The following LYN variants were observed in gnomAD, a reference collection of about 807,000 sequenced individuals.
LYN encodes the protein LYN proto-oncogene, Src family tyrosine kinase, also known as tyrosine-protein kinase Lyn.
In LYN, 12 loss-of-function variants were observed where a neutral mutation model predicts 65.0. That is an observed-to-expected ratio of 0.18 (90% CI 0.12 to 0.30). LYN has a LOEUF of 0.30. LYN is among the 10% of genes least tolerant of loss of function. The pLI, the probability that LYN is intolerant of heterozygous loss-of-function variation, is 1.00. For missense variants in LYN, 380 were observed against 623.2 expected, an observed-to-expected ratio of 0.61 and a Z score of 4.16; for synonymous variants, 222 against 221.2, an observed-to-expected ratio of 1.00 and a Z score of -0.03.
chr8:55,945,469 C>G (rs557531629), intron 2 of LYN, among the ~76,000 whole-genome samples: 1 of 152,206 alleles, frequency 6.6e-6, no homozygotes, highest in Non-Finnish European at 1.5e-5. Context: ...TTTTCCCTGT[C>G]TCACTGAAAT....
chr8:55,997,839 C>T (rs1208599948), intron 10 of LYN, among the ~76,000 whole-genome samples: 1 of 152,230 alleles, frequency 6.6e-6, no homozygotes, highest in Admixed American at 6.5e-5. Context: ...AATCCCAGCA[C>T]TTTGGGAGGC....
chr8:55,923,792 G>A lies in LYN; in HGVS notation c.-5-18063G>A, dbSNP rs367600126. 1.3e-3 allele frequency among the ~76,000 whole-genome samples: 201 copies of A among 151,940 alleles called. 1 individual carries two copies. Among genetic ancestry groups the A allele is most frequent in the African/African-American group, 4.6e-3 (190 of 41,448 alleles). ...TGACCTCAAGTGATTTGCCTACCTC[G>A]GCCTCCCAATTGTTGGGATTAGAGG... On this transcript the variant is annotated intron_variant, in intron 1 of 12. Transcript: ENST00000519728.
At chr8:55,930,214 TGC>T (rs1487551023) in intron 1 of LYN, among the ~76,000 whole-genome samples, 1 of 152,252 alleles carries the variant, frequency 6.6e-6, no homozygotes. Context: ...CCTGATGATT[TGC>T]CATCTATAGC....
intron 7 of LYN, 64 bp downstream of exon 7, chr8:55,952,179 A>G: frequency 7.4e-7 from 1 of 1,349,358 alleles, no homozygotes; most frequent in Non-Finnish European, 1.0e-6. Context: ...TAAGACGTCA[A>G]ACGCTATTTT....
chr8:55,942,284 C>CAT (rs1284289515), intron 2 of LYN, among the ~76,000 whole-genome samples: 1 of 147,926 alleles, frequency 6.8e-6, no homozygotes, highest in Admixed American at 6.8e-5. Context: ...TATACACACA[C>CAT]ATATATATGT....
chr8:55,986,127 C>T (rs1377553064), intron 10 of LYN, among the ~76,000 whole-genome samples: 1 of 151,888 alleles, frequency 6.6e-6, no homozygotes, highest in Non-Finnish European at 1.5e-5. Flanking sequence ...TGTGATCCTG[C>T]CACTGCTCTC....
chr8:55,957,908 G>A (rs758728428), intron 8 of LYN, among the ~76,000 whole-genome samples: 7 of 152,060 alleles, frequency 4.6e-5, no homozygotes, highest in Non-Finnish European at 7.4e-5. Flanking sequence ...AGATTGCGCC[G>A]CTGTCACCAA....
At chr8:55,880,345 C>A (rs1191973008) in intron 1 of LYN, among the ~76,000 whole-genome samples, 2 of 151,864 alleles carry the variant, frequency 1.3e-5, no homozygotes, top group African/African-American at 4.8e-5. Context: ...ACTGAGGCTC[C>A]GCAGGTGTCC....
At position 56,008,134 on chromosome 8, in the gene LYN, T is replaced by A. The variant is rs938885510; in HGVS notation, c.1337-1774T>A. On this transcript the variant is annotated intron_variant, in intron 12 of 12. Coordinates refer to ENST00000519728, the MANE Select transcript of LYN (RefSeq NM_002350.4). ...ACTCTGCCTCAAAAAAAAAATAAAA[T>A]AAAATAAAATAAAATAAAATACTGG... Among the ~76,000 whole-genome samples the A allele has an allele frequency of 6.9e-3, 802 of 115,844 alleles. 8 individuals carry two copies. Among genetic ancestry groups the A allele is most frequent in the East Asian group, 0.012 (58 of 5,038 alleles). 76.0% of individuals were successfully genotyped at this position (115,844 alleles called of 152,430 possible). A position where few individuals can be genotyped will look rare whatever the true frequency, so the allele number is the denominator to read the frequency against.
chr8:55,886,054 AAAATGTAC>A (rs1804784136), intron 1 of LYN, among the ~76,000 whole-genome samples: 1 of 152,140 alleles, frequency 6.6e-6, no homozygotes, highest in African/African-American at 2.4e-5. Flanking sequence ...CAGCAACGGA[AAAATGTAC>A]ATTTTGAAAT....
rs146649403 is a variant in LYN, at chr8:55,898,222, T to G, written c.-6+18119T>G. Among the ~76,000 whole-genome samples, 501 of 152,294 alleles carry G rather than the reference T, an allele frequency of 3.3e-3. 5 individuals carry two copies. The highest frequency in any genetic ancestry group is 0.011 in the African/African-American group (475 of 41,554). ...CCCCATTGTTTTGTGTTTTCTGTAATGTCATATAAATAGATTCATACTGTA... is the reference window on the plus strand; with the variant it reads ...CCCCATTGTTTTGTGTTTTCTGTAAGGTCATATAAATAGATTCATACTGTA... On this transcript the variant is annotated intron_variant, in intron 1 of 12. Transcript: ENST00000519728.
At chr8:55,956,425 T>A (rs971688896) in intron 8 of LYN, among the ~76,000 whole-genome samples, 15 of 152,212 alleles carry the variant, frequency 9.9e-5, no homozygotes, top group Non-Finnish European at 1.8e-4. Flanking sequence ...CCGGTCCTAT[T>A]CTTAATGATG....
chr8:55,984,665 C>T (rs927275462), intron 10 of LYN, among the ~76,000 whole-genome samples: 2 of 152,234 alleles, frequency 1.3e-5, no homozygotes, highest in East Asian at 1.9e-4. Flanking sequence ...TACTCCTGTG[C>T]TCAGCTGTGG....
At chr8:55,963,349 C>T (rs368202296) in intron 8 of LYN, among the ~76,000 whole-genome samples, 65 of 152,322 alleles carry the variant, frequency 4.3e-4, no homozygotes, top group South Asian at 1.7e-3. Context: ...CCAGTCCCCA[C>T]GTCCCCTTTC....
intron 12 of LYN, among the ~76,000 whole-genome samples, chr8:56,000,337 A>G (rs757600355): frequency 8.5e-5 from 13 of 152,144 alleles, no homozygotes; most frequent in Non-Finnish European, 1.8e-4. Context: ...TGAGGGCATC[A>G]TTCAGTATTT....
intron 1 of LYN, among the ~76,000 whole-genome samples, chr8:55,913,031 T>C (rs1805685772): frequency 6.6e-6 from 1 of 152,182 alleles, no homozygotes; most frequent in African/African-American, 2.4e-5. Context: ...GTAATAGAGT[T>C]AGTGGGATGT....
intron 1 of LYN, among the ~76,000 whole-genome samples, chr8:55,914,920 A>G (rs2130420069): frequency 6.6e-6 from 1 of 152,304 alleles, no homozygotes; most frequent in South Asian, 2.1e-4. Flanking sequence ...TCAACTTGAA[A>G]TTGTCTCTTA....
Position 56,010,013 on chromosome 8 carries a change from A to C in LYN, c.1442A>C (p.Lys481Thr). 2 of 1,614,168 alleles carry C rather than the reference A, an allele frequency of 1.2e-6. No individual in the cohort carries two copies. The highest frequency in any genetic ancestry group is 1.7e-6 in the Non-Finnish European group (2 of 1,180,008). ...TATGACATTATGAAAATGTGCTGGA[A>C]AGAAAAGGCAGAAGAGAGACCAACG... is the stretch of plus-strand genomic sequence containing the variant. ...ELYDIMKMCW[K>T]EKAEERPTFD... Residue 481 changes from lysine (K) to threonine (T), a missense_variant, in exon 13 of 13, where the codon AAA becomes ACA. Around this residue, in one of 2 missense-constraint regions of LYN, gnomAD observed 223 missense variants for 430.0 expected, o/e 0.52. Transcript: ENST00000519728.
At chr8:55,917,045 T>C (rs1022201487) in intron 1 of LYN, among the ~76,000 whole-genome samples, 2 of 151,140 alleles carry the variant, frequency 1.3e-5, no homozygotes, top group African/African-American at 2.4e-5. Context: ...GGCGCCGTGG[T>C]GCATGCCAGT....
Sources: allele counts gnomAD v4.1 joint callset (sites outside exome capture counted in the v4.1 genomes callset), GRCh38; gene constraint gnomAD v4.1.1; regional missense constraint gnomAD v4.1.1; transcripts MANE v1.5; gene names NCBI Gene and HGNC (gene_info 2026-07-23, HGNC 2026-07-21).